The following MOV10 variants were observed in gnomAD, a reference collection of about 807,000 sequenced individuals.
MOV10 encodes the protein RNA helicase MOV-10.
A neutral mutation model predicts 108.4 loss-of-function variants in MOV10; 39 were observed. The ratio of observed to expected loss-of-function variants is 0.36; its 90% confidence interval spans 0.28 to 0.47. MOV10 has a LOEUF of 0.47. Ranked by LOEUF, MOV10 falls within the 20% of genes least tolerant of loss-of-function variation. The pLI is 1.00. For missense variants in MOV10, 952 were observed against 1,297.6 expected (o/e 0.73, Z 4.09); for synonymous variants, 490 against 523.1 (o/e 0.94, Z 0.86).
intron 2 of MOV10, chr1:112,686,820 A>G (rs1673114699): frequency 2.4e-6 from 1 of 419,800 alleles, no homozygotes; most frequent in Non-Finnish European, 4.8e-6. Flanking sequence ...GTCAGTCACC[A>G]AATTTCTGCT....
intron 2 of MOV10, among the ~76,000 whole-genome samples, chr1:112,688,105 G>C (rs1331071950): frequency 6.6e-6 from 1 of 152,086 alleles, no homozygotes; most frequent in African/African-American, 2.4e-5. Context: ...TGGCCGATGA[G>C]CTGCCCTCCA....
chr1:112,687,942 T>C (rs940891285), intron 2 of MOV10, among the ~76,000 whole-genome samples: 3 of 152,088 alleles, frequency 2.0e-5, no homozygotes, highest in Non-Finnish European at 2.9e-5. Context: ...ACCTCTCACA[T>C]CTGCTTACAC....
chr1:112,680,717 T>C (rs1055417416), intron 2 of MOV10, among the ~76,000 whole-genome samples: 1 of 148,376 alleles, frequency 6.7e-6, no homozygotes, highest in African/African-American at 2.5e-5. Flanking sequence ...CTTTTTTTTT[T>C]TTTTTTTTTA....
intron 14 of MOV10, 24 bp from the exon 15 acceptor site, chr1:112,697,970 G>A (rs757703774): frequency 6.3e-7 from 1 of 1,599,674 alleles, no homozygotes; most frequent in Non-Finnish European, 8.6e-7. Flanking sequence ...CCTTGGTCTT[G>A]CTTTTCCTCC....
chr1:112,699,883 C>A lies in MOV10; in HGVS notation c.2710-11C>A, dbSNP rs760211379. On this transcript the variant is annotated splice_polypyrimidine_tract_variant and intron_variant, in intron 18 of 20. Transcript: ENST00000369645. ...CTTCCCTCCCATGACCACACCACTT[C>A]TTCCTTCCAGAGGTTCAATGTAGCT... 1 of 1,614,158 alleles carries A rather than the reference C, an allele frequency of 6.2e-7. No individual in the cohort carries two copies. Among genetic ancestry groups the A allele is most frequent in the African/African-American group, 1.3e-5 (1 of 75,044 alleles).
chr1:112,689,397 G>GCAACCCCA lies in MOV10; in HGVS notation c.342-18_342-17insCAACCCCA. On this transcript the variant is annotated splice_polypyrimidine_tract_variant and intron_variant, in intron 3 of 20. Transcript: ENST00000369645. The stretch of plus-strand genomic sequence containing the variant: ...ACCGCTCCCACCCCAACCCCCCCTT[G>GCAACCCCA]ACTCCCCTTCTCCCCAGGGCTGAGT... The GCAACCCCA allele has an allele frequency of 1.6e-6, 1 of 615,504 alleles. No homozygotes were observed. Among genetic ancestry groups the GCAACCCCA allele is most frequent in the Non-Finnish European group, 2.9e-6 (1 of 342,274 alleles). The allele number at this position is 615,504 out of a possible 1,614,324, so 38.1% of individuals were successfully genotyped here. A position where few individuals can be genotyped will look rare whatever the true frequency, so the allele number is the denominator to read the frequency against.
rs753270369 is a variant in MOV10, at chr1:112,699,994, C to G, written c.2798+12C>G. 2 of 1,613,810 alleles carry G rather than the reference C, an allele frequency of 1.2e-6. No homozygotes were observed. Among genetic ancestry groups the G allele is most frequent in the African/African-American group, 2.7e-5 (2 of 74,938 alleles). On this transcript the variant is annotated intron_variant, in intron 19 of 20. Transcript: ENST00000369645. ...CCTGACTGGAAAGTGTGAGCATTCC[C>G]ACCCCATTCTCCCTCTTAGTGGCCA...
Position 112,691,638 on chromosome 1 carries a change from C to A in MOV10, c.837-27C>A. The A allele has an allele frequency of 1.2e-6, 2 of 1,607,458 alleles. 1 individual carries two copies. ...AGAGTGTTGGAGGGTGAGGGGTTTT[C>A]TGTGTTTTCTTCCCTCGATTCTGCA... is the stretch of plus-strand genomic sequence containing the variant. On this transcript the variant is annotated intron_variant, in intron 5 of 20. Coordinates refer to ENST00000369645, the MANE Select transcript of MOV10 (RefSeq NM_001321324.2).
Position 112,689,151 on chromosome 1 carries a change from T to G in MOV10, c.341+13T>G, listed in dbSNP as rs1242903089. On this transcript the variant is annotated intron_variant, in intron 3 of 20. Transcript: ENST00000369645. ...TCTTTTATGACAGGTGTGTGTGTGT[T>G]GTATGTTGTGTGTACGGGGAGGTCT... 1 of 1,580,408 alleles carries G rather than the reference T, an allele frequency of 6.3e-7. No individual in the cohort carries two copies.
At chr1:112,677,667 A>G (rs1672301597) in intron 2 of MOV10, among the ~76,000 whole-genome samples, 1 of 152,138 alleles carries the variant, frequency 6.6e-6, no homozygotes, top group Non-Finnish European at 1.5e-5. Context: ...ATCTGTCTGC[A>G]GTCCCCAGCA....
At chr1:112,677,705 A>G (rs1223120541) in intron 2 of MOV10, among the ~76,000 whole-genome samples, 1 of 152,140 alleles carries the variant, frequency 6.6e-6, no homozygotes, top group African/African-American at 2.4e-5. Context: ...TAGATGCTCA[A>G]TAAATGCTTG....
intron 19 of MOV10, 63 bp from the exon 20 acceptor site, chr1:112,700,156 T>A: frequency 6.2e-6 from 10 of 1,611,604 alleles, no homozygotes; most frequent in Non-Finnish European, 8.5e-6. Flanking sequence ...CAAGTACAGC[T>A]CAGATGGGAC....
chr1:112,682,759 G>A (rs564677023), intron 2 of MOV10, among the ~76,000 whole-genome samples: 3 of 152,222 alleles, frequency 2.0e-5, no homozygotes, highest in African/African-American at 7.2e-5. Context: ...TTCACTTAGC[G>A]TAATGTTTTT....
In MOV10 at chr1:112,696,266, T is replaced by G; in HGVS notation, c.1883+15T>G. On this transcript the variant is annotated intron_variant, in intron 12 of 20. Coordinates refer to ENST00000369645, the MANE Select transcript of MOV10 (RefSeq NM_001321324.2). ...ACTGCCGGCAGGTGGGGAGTGTGTG[T>G]GGGTGTGTCTCTGAATCGTAAGTGT... 3 of 1,565,158 alleles carry G rather than the reference T, an allele frequency of 1.9e-6. No homozygotes were observed. The highest frequency in any genetic ancestry group is 2.6e-6 in the Non-Finnish European group (3 of 1,135,714).
Position 112,700,561 on chromosome 1 carries a change from C to A in MOV10, c.*54C>A, listed in dbSNP as rs1379069896. ...GCCAAGCCTTAACTGCCTGCCTGAC[C>A]CTGAACCAGAACCCAGCTGAACTGC... On this transcript the variant is annotated 3_prime_UTR_variant, in exon 21 of 21. Transcript: ENST00000369645. 1 of 1,601,582 alleles carries A rather than the reference C, an allele frequency of 6.2e-7. No homozygotes were observed. The highest frequency in any genetic ancestry group is 8.5e-7 in the Non-Finnish European group (1 of 1,173,864).
At position 112,692,954 on chromosome 1, in the gene MOV10, G is replaced by A. The variant is rs573758185; in HGVS notation, c.1140+25G>A. 145 of 1,591,070 alleles carry A rather than the reference G, an allele frequency of 9.1e-5. No individual in the cohort carries two copies. In the South Asian group the frequency reaches 1.6e-3, roughly 17 times the overall value. The stretch of plus-strand genomic sequence containing the variant: ...GGTCAGGGCTCAGATTGAGTGTGAG[G>A]AGGGTGGGCTCAAGCCAGCCAAGCT... On this transcript the variant is annotated intron_variant, in intron 7 of 20. Coordinates refer to ENST00000369645, the MANE Select transcript of MOV10 (RefSeq NM_001321324.2).
intron 5 of MOV10, 124 bp downstream of exon 5, chr1:112,690,222 G>T: frequency 8.0e-7 from 1 of 1,255,628 alleles, no homozygotes; most frequent in Non-Finnish European, 1.1e-6. Context: ...ACTCTTCTGG[G>T]TCTCAGAGAA....
intron 11 of MOV10, 107 bp downstream of exon 11, chr1:112,695,681 G>A: frequency 1.6e-6 from 2 of 1,274,746 alleles, no homozygotes; most frequent in Non-Finnish European, 2.1e-6. Flanking sequence ...TACTTGCTAT[G>A]TGACCTTGGG....
chr1:112,689,244 C>A (rs1673343954), intron 3 of MOV10, 106 bp downstream of exon 3: 7 of 1,320,288 alleles, frequency 5.3e-6, no homozygotes, highest in East Asian at 5.0e-5. Context: ...GAATAAGTCC[C>A]CCTCCTTCAG....
Sources: allele counts gnomAD v4.1 joint callset (sites outside exome capture counted in the v4.1 genomes callset), GRCh38; gene constraint gnomAD v4.1.1; transcripts MANE v1.5; gene names NCBI Gene and HGNC (gene_info 2026-07-23, HGNC 2026-07-21).